The following RAB27B variants were observed in gnomAD, a reference collection of about 807,000 sequenced individuals.
RAB27B encodes the protein ras-related protein Rab-27B.
A neutral mutation model predicts 24.6 loss-of-function variants in RAB27B; 15 were observed. The ratio of observed to expected loss-of-function variants is 0.61; its 90% CI spans 0.41 to 0.94. The LOEUF (loss-of-function observed/expected upper bound fraction) is 0.94. Ranked by LOEUF, RAB27B falls within the 40% of genes least tolerant of loss-of-function variation. RAB27B has a pLI of 0.00. For synonymous variants in RAB27B, 105 were observed against 92.5 expected (o/e 1.14, Z -0.78); for missense variants, 261 against 266.8 (o/e 0.98, Z 0.15).
At chr18:54,776,964 G>A (rs1189280165) in intron 2 of RAB27B, among the ~76,000 whole-genome samples, 1 of 152,144 alleles carries the variant, frequency 6.6e-6, no homozygotes, top group Non-Finnish European at 1.5e-5. Context: ...AGAATCACCT[G>A]AGCCTGGGAG....
intron 1 of RAB27B, among the ~76,000 whole-genome samples, chr18:54,831,679 T>C (rs1223524294): frequency 6.6e-6 from 1 of 152,098 alleles, no homozygotes; most frequent in African/African-American, 2.4e-5. Context: ...TTAGTGATAC[T>C]AAGAAGAAAA....
intron 2 of RAB27B, among the ~76,000 whole-genome samples, chr18:54,773,836 G>A (rs769221858): frequency 2.6e-5 from 4 of 151,816 alleles, no homozygotes; most frequent in South Asian, 2.1e-4. Context: ...CACCAGACCC[G>A]GCTAATTTTT....
At position 54,895,028 on chromosome 18, in the gene RAB27B, T is replaced by G. The variant is rs1195721619; in HGVS notation, c.*5615T>G. 6.6e-6 allele frequency: 1 copy of G among 152,070 alleles called. No homozygotes were observed. The highest frequency in any genetic ancestry group is 2.1e-4 in the South Asian group (1 of 4,828). The allele number at this position is 152,070 out of a possible 1,614,324, so 9.4% of individuals were successfully genotyped here. A position where few individuals can be genotyped will look rare whatever the true frequency, so the allele number is the denominator to read the frequency against. ...AGTATATTACAAGTTGGTCAAAATA[T>G]TCCATGTACAAATAGGGCTTCTGTG... On this transcript the variant is annotated 3_prime_UTR_variant, in exon 6 of 6. Transcript: ENST00000262094.
intron 2 of RAB27B, among the ~76,000 whole-genome samples, chr18:54,808,337 C>T (rs1006747718): frequency 6.6e-6 from 1 of 152,146 alleles, no homozygotes; most frequent in African/African-American, 2.4e-5. Flanking sequence ...TCCACACTCT[C>T]GTGATCACTG....
At chr18:54,724,035 T>C (rs1418301435) in intron 2 of RAB27B, among the ~76,000 whole-genome samples, 2 of 143,878 alleles carry the variant, frequency 1.4e-5, no homozygotes, top group East Asian at 3.9e-4. Flanking sequence ...GGGAACATAC[T>C]TTTATAAATT....
intron 1 of RAB27B, among the ~76,000 whole-genome samples, chr18:54,852,918 C>G (rs4142939): frequency 0.63 from 95,879 of 152,002 alleles, 32,103 homozygotes; most frequent in Non-Finnish European, 0.74. Context: ...AGGATGTAGA[C>G]ACAGACCACA....
At chr18:54,850,096 T>C (rs187144367) in intron 1 of RAB27B, among the ~76,000 whole-genome samples, 162 of 151,966 alleles carry the variant, frequency 1.1e-3, no homozygotes, top group African/African-American at 3.7e-3. Context: ...AGCCAACTCC[T>C]AGATCATCTC....
Position 54,862,360 on chromosome 18 carries a change from C to T in RAB27B, c.-19-15207C>T, listed in dbSNP as rs145412067. ...ACAGTTTTCAGCAGAAGGAGAAATC[C>T]GCAAGCTATGTGCCAAGCTTTGCTG... On this transcript the variant is annotated intron_variant, in intron 1 of 5. Transcript: ENST00000262094. 3.9e-5 allele frequency among the ~76,000 whole-genome samples: 6 copies of T among 152,158 alleles called. No individual in the cohort carries two copies. In the East Asian group the frequency reaches 9.7e-4, roughly 24 times the overall value.
chr18:54,868,767 C>T (rs1912347648), intron 1 of RAB27B, among the ~76,000 whole-genome samples: 1 of 152,164 alleles, frequency 6.6e-6, no homozygotes, highest in African/African-American at 2.4e-5. Flanking sequence ...GCTGAGATTA[C>T]AGACGTGTGC....
At chr18:54,884,290 T>C (rs1158611820) in intron 3 of RAB27B, 43 bp from the exon 4 acceptor site, 3 of 1,187,852 alleles carry the variant, frequency 2.5e-6, no homozygotes, top group East Asian at 2.3e-5. Context: ...GTCAAAGATA[T>C]GTGGACTAAC....
intron 1 of RAB27B, among the ~76,000 whole-genome samples, chr18:54,867,954 G>C (rs1373105426): frequency 6.6e-6 from 1 of 152,154 alleles, no homozygotes; most frequent in Non-Finnish European, 1.5e-5. Flanking sequence ...CACACACCTA[G>C]TGATATAGTT....
intron 2 of RAB27B, among the ~76,000 whole-genome samples, chr18:54,770,767 A>G (rs933765145): frequency 1.3e-5 from 2 of 152,004 alleles, no homozygotes; most frequent in Admixed American, 1.3e-4. Context: ...ACGTTGTTTA[A>G]TAGCAGACGT....
intron 1 of RAB27B, among the ~76,000 whole-genome samples, chr18:54,850,676 T>A (rs1289534850): frequency 6.6e-6 from 1 of 151,536 alleles, no homozygotes; most frequent in Non-Finnish European, 1.5e-5. Context: ...TCAGAATGTA[T>A]TTTTTTGCCA....
At chr18:54,842,243 G>A (rs1911146949) in intron 1 of RAB27B, among the ~76,000 whole-genome samples, 1 of 152,288 alleles carries the variant, frequency 6.6e-6, no homozygotes, top group Non-Finnish European at 1.5e-5. Flanking sequence ...TGTAAGAAAA[G>A]ATATGTAAAC....
intron 2 of RAB27B, among the ~76,000 whole-genome samples, chr18:54,811,452 C>A (rs1023165582): frequency 1.3e-5 from 2 of 152,164 alleles, no homozygotes. Flanking sequence ...AGATAAGAGA[C>A]AAACTACTGC....
At chr18:54,783,481 TTG>T (rs34288200) in intron 2 of RAB27B, among the ~76,000 whole-genome samples, 59,270 of 149,426 alleles carry the variant, frequency 0.4, 11,944 homozygotes, top group African/African-American at 0.48. Context: ...GCCTATGGCT[TTG>T]TGTGTGTGTG....
At chr18:54,844,144 C>T (rs1322469696) in intron 1 of RAB27B, among the ~76,000 whole-genome samples, 1 of 152,152 alleles carries the variant, frequency 6.6e-6, no homozygotes, top group South Asian at 2.1e-4. Context: ...ATATCAATAT[C>T]TTCTGAGGGA....
chr18:54,760,521 A>C (rs979754800), intron 2 of RAB27B, among the ~76,000 whole-genome samples: 4 of 152,180 alleles, frequency 2.6e-5, no homozygotes, highest in Non-Finnish European at 5.9e-5. Flanking sequence ...TTTGGGAGCT[A>C]ATAGTCCTTA....
chr18:54,787,299 C>A (rs1455104428), intron 2 of RAB27B, among the ~76,000 whole-genome samples: 1 of 152,158 alleles, frequency 6.6e-6, no homozygotes, highest in Admixed American at 6.5e-5. Context: ...GGTCACGTGC[C>A]CACTGTTGAT....
Sources: allele counts gnomAD v4.1 joint callset (sites outside exome capture counted in the v4.1 genomes callset), GRCh38; gene constraint gnomAD v4.1.1; transcripts MANE v1.5; gene names NCBI Gene and HGNC (gene_info 2026-07-23, HGNC 2026-07-21).